The following C1QL1 variants were observed in gnomAD, a reference collection of about 807,000 sequenced individuals.
The protein encoded by C1QL1 is complement C1q like 1, also known as C1q-related factor.
A neutral mutation model predicts 14.2 loss-of-function variants in C1QL1; 15 were observed. That is an observed-to-expected ratio of 1.06 (90% CI 0.71 to 1.62). The LOEUF (loss-of-function observed/expected upper bound fraction) is 1.62. Among genes scored for constraint, C1QL1 ranks in the 40% most tolerant of loss-of-function variants. The pLI is 0.00. For missense variants in C1QL1, 346 were observed against 380.3 expected (o/e 0.91, Z 0.75); for synonymous variants, 172 against 172.4 (o/e 1.00, Z 0.02).
At chr17:44,966,175 A>G (rs2052656394) in intron 1 of C1QL1, among the ~76,000 whole-genome samples, 1 of 152,194 alleles carries the variant, frequency 6.6e-6, no homozygotes, top group Non-Finnish European at 1.5e-5. Context: ...GAAACCAGAG[A>G]AAAGGTGTTG....
intron 1 of C1QL1, among the ~76,000 whole-genome samples, chr17:44,964,848 C>CTTTTCA (rs1555586154): frequency 1.3e-5 from 2 of 149,664 alleles, no homozygotes; most frequent in Non-Finnish European, 3.0e-5. Flanking sequence ...CTTTTCTTTT[C>CTTTTCA]TTTTTTTTTT....
In C1QL1 at chr17:44,967,626, C is replaced by G. The variant is rs1192926815; in HGVS notation, c.423G>C (p.Glu141Asp). Residue 141 changes from glutamate (E) to aspartate (D), a missense_variant, in exon 1 of 2, where the codon GAG becomes GAC. Glu to Asp is a conservative substitution (Grantham distance 45). Coordinates refer to ENST00000253407, the MANE Select transcript of C1QL1 (RefSeq NM_006688.5). The surrounding 1 kb of genome is among the most constrained non-coding windows in gnomAD (Gnocchi z 7.0). ...CGTCAAACTTGAGTACCTCGTAACC[C>G]TCGTGGGGGTTCTTGAGGCCGGCGT... ...AFYAGLKNPH[E>D]GYEVLKFDDV... The G allele has an allele frequency of 6.2e-7, 1 of 1,613,850 alleles. No individual in the cohort carries two copies. The highest frequency in any genetic ancestry group is 1.3e-5 in the African/African-American group (1 of 74,932).
intron 1 of C1QL1, among the ~76,000 whole-genome samples, chr17:44,964,854 T>TTTTC (rs1392164615): frequency 2.0e-5 from 3 of 152,130 alleles, no homozygotes; most frequent in Non-Finnish European, 4.4e-5. Flanking sequence ...TTTTCTTTTT[T>TTTTC]TTTTGAGACA....
At chr17:44,960,395 G>A in intron 1 of C1QL1, 28 bp from the exon 2 acceptor site, 1 of 1,567,994 alleles carries the variant, frequency 6.4e-7, no homozygotes, top group Non-Finnish European at 8.8e-7. Flanking sequence ...GGGAGGGAGG[G>A]CGAGAGGAGA....
In C1QL1 at chr17:44,967,929, G is replaced by T. The variant is rs780431136; in HGVS notation, c.120C>A (p.Pro40=). Reference sequence around the variant, plus strand: ...CGCCGTCGGTCCGCGCGCCGGCGCCGGGGCCCCGCGCGGGGTAGGGGTCGC... The same window carrying T: ...CGCCGTCGGTCCGCGCGCCGGCGCCTGGGCCCCGCGCGGGGTAGGGGTCGC... The part of the protein sequence containing the change: ...MVCDPYPARG[P]GAGARTDGGD... The change falls in exon 1 of 2, where the codon CCC becomes CCA. Residue 40 remains proline, a synonymous_variant. Coordinates refer to ENST00000253407, the MANE Select transcript of C1QL1 (RefSeq NM_006688.5). This position sits in a 1 kb window ranked among gnomAD's most constrained non-coding sequence, Gnocchi z 7.0. The T allele has an allele frequency of 2.4e-6, 3 of 1,275,890 alleles. No individual in the cohort carries two copies. Among genetic ancestry groups the T allele is most frequent in the African/African-American group, 3.1e-5 (2 of 64,616 alleles). The allele number at this position is 1,275,890 out of a possible 1,614,324, so 79.0% of individuals were successfully genotyped here.
At position 44,968,020 on chromosome 17, in the gene C1QL1, G is replaced by C. The variant is rs1379042057; in HGVS notation, c.29C>G (p.Pro10Arg). The change falls in exon 1 of 2, where the codon CCC (proline) becomes CGC (arginine). Residue 10 changes from proline (P) to arginine (R), a missense_variant. Transcript: ENST00000253407. MLLVLVVLI[P>R]VLVSSGGPEG... ...CGGGCCGCCCGAGCTCACCAGCACG[G>C]GGATGAGCACCACCAGCACCAGCAG... 5 of 1,381,956 alleles carry C rather than the reference G, an allele frequency of 3.6e-6. No homozygotes were observed. Among genetic ancestry groups the C allele is most frequent in the Non-Finnish European group, 4.7e-6 (5 of 1,064,704 alleles). 85.6% of individuals were successfully genotyped at this position (1,381,956 alleles called of 1,614,324 possible). A position where few individuals can be genotyped will look rare whatever the true frequency, so the allele number is the denominator to read the frequency against.
At position 44,967,881 on chromosome 17, in the gene C1QL1, G is replaced by A; in HGVS notation, c.168C>T (p.Ser56=). The change falls in exon 1 of 2, where the codon AGC becomes AGT. Residue 56 remains serine, a synonymous_variant. Transcript: ENST00000253407. The surrounding 1 kb of genome is among the most constrained non-coding windows in gnomAD (Gnocchi z 7.0). ...TDGGDALSEQ[S]GAPPPSTLVQ... ...CCAGCGTGGAAGGCGGGGGCGCGCC[G>A]CTCTGCTCGCTCAGGGCGTCGCCGC... The A allele has an allele frequency of 7.9e-7, 1 of 1,272,696 alleles. No individual in the cohort carries two copies. Among genetic ancestry groups the A allele is most frequent in the South Asian group, 3.0e-5 (1 of 33,392 alleles). The allele number at this position is 1,272,696 out of a possible 1,614,324, so 78.8% of individuals were successfully genotyped here. A position where few individuals can be genotyped will look rare whatever the true frequency, so the allele number is the denominator to read the frequency against.
At chr17:44,965,642 C>G (rs3024277) in intron 1 of C1QL1, among the ~76,000 whole-genome samples, 8,118 of 152,282 alleles carry the variant, frequency 0.053, 275 homozygotes, top group Middle Eastern at 0.16. Context: ...GTTTTACCTC[C>G]CAGTGACTGA....
At chr17:44,964,966 G>T (rs1004266846) in intron 1 of C1QL1, among the ~76,000 whole-genome samples, 1 of 150,856 alleles carries the variant, frequency 6.6e-6, no homozygotes, top group African/African-American at 2.4e-5. Context: ...TCAGCCTCCT[G>T]ACTAACTGGG....
At chr17:44,966,610 C>A (rs1461612608) in intron 1 of C1QL1, among the ~76,000 whole-genome samples, 1 of 152,152 alleles carries the variant, frequency 6.6e-6, no homozygotes, top group Non-Finnish European at 1.5e-5. Context: ...ATGCGAGTCC[C>A]GGTACCAGAG....
chr17:44,965,266 C>A (rs2052651918), intron 1 of C1QL1, among the ~76,000 whole-genome samples: 1 of 152,198 alleles, frequency 6.6e-6, no homozygotes, highest in South Asian at 2.1e-4. Flanking sequence ...CTTGCCTCGG[C>A]CTCCCAAAGT....
rs530689780 is a variant in C1QL1, at chr17:44,960,513, C to A, written c.598-146G>T. The A allele has an allele frequency of 6.4e-6, 4 of 625,616 alleles. No individual in the cohort carries two copies. The South Asian group carries it at 7.5e-5, about 12-fold the overall frequency. The allele number at this position is 625,616 out of a possible 1,614,324, so 38.8% of individuals were successfully genotyped here. A position where few individuals can be genotyped will look rare whatever the true frequency, so the allele number is the denominator to read the frequency against. ...CATCCCTGCCACGCTCCCCCTCCCC[C>A]GCCCCCTTCCAATCATACAGGACTT... On this transcript the variant is annotated intron_variant, in intron 1 of 1. Transcript: ENST00000253407.
intron 1 of C1QL1, among the ~76,000 whole-genome samples, chr17:44,961,886 C>T (rs2052628968): frequency 7.4e-6 from 1 of 135,716 alleles, no homozygotes; most frequent in Non-Finnish European, 1.6e-5. Context: ...GAGCGAGACT[C>T]CGTCTCAAAA....
Position 44,967,761 on chromosome 17 carries a change from C to T in C1QL1, c.288G>A (p.Pro96=), listed in dbSNP as rs749324025. 21 of 1,567,034 alleles carry T rather than the reference C, an allele frequency of 1.3e-5. No homozygotes were observed. In the African/African-American group the frequency reaches 1.4e-4, roughly 10 times the overall value. ...GCTTGCCTGGCTCACCCTTCTCCCC[C>T]GGCGGCCCCACAGGGCCGGGAGGAC... ...DPGPPGPVGP[P]GEKGEPGKPG... The change falls in exon 1 of 2, where the codon CCG becomes CCA. Residue 96 remains proline, a synonymous_variant. Transcript: ENST00000253407. This position sits in a 1 kb window ranked among gnomAD's most constrained non-coding sequence, Gnocchi z 7.0.
chr17:44,967,407 G>A lies in C1QL1; in HGVS notation c.597+45C>T. 1 of 1,586,254 alleles carries A rather than the reference G, an allele frequency of 6.3e-7. No homozygotes were observed. Reference sequence around the variant, plus strand: ...GGTACCCATTTGCCCCGGGCTCCCTGGGTGCCCTGGGCCCAGCCCAGCCCC... The same window carrying A: ...GGTACCCATTTGCCCCGGGCTCCCTAGGTGCCCTGGGCCCAGCCCAGCCCC... On this transcript the variant is annotated intron_variant, in intron 1 of 1. Coordinates refer to ENST00000253407, the MANE Select transcript of C1QL1 (RefSeq NM_006688.5). This position sits in a 1 kb window ranked among gnomAD's most constrained non-coding sequence, Gnocchi z 7.0.
chr17:44,961,910 A>AAAGAG (rs1555585742), intron 1 of C1QL1, among the ~76,000 whole-genome samples: 14 of 129,688 alleles, frequency 1.1e-4, no homozygotes, highest in South Asian at 2.3e-4. Flanking sequence ...AAAAAAAAAA[A>AAAGAG]AGAGAGAGAG....
Position 44,967,624 on chromosome 17 carries a change from C to T in C1QL1, c.425G>A (p.Gly142Asp). 3 of 1,613,986 alleles carry T rather than the reference C, an allele frequency of 1.9e-6. No individual in the cohort carries two copies. The highest frequency in any genetic ancestry group is 2.5e-6 in the Non-Finnish European group (3 of 1,179,914). Residue 142 changes from glycine (G) to aspartate (D), a missense_variant, in exon 1 of 2, where the codon GGT becomes GAT. Coordinates refer to ENST00000253407, the MANE Select transcript of C1QL1 (RefSeq NM_006688.5). The surrounding 1 kb of genome is among the most constrained non-coding windows in gnomAD (Gnocchi z 7.0). ...GTCGTCAAACTTGAGTACCTCGTAA[C>T]CCTCGTGGGGGTTCTTGAGGCCGGC... is the stretch of plus-strand genomic sequence containing the variant. ...FYAGLKNPHE[G>D]YEVLKFDDVV...
chr17:44,967,901 C>T lies in C1QL1; in HGVS notation c.148G>A (p.Asp50Asn). Residue 50 changes from aspartate to asparagine, a missense_variant, in exon 1 of 2, where the codon GAC becomes AAC. Transcript: ENST00000253407. The surrounding 1 kb of genome is among the most constrained non-coding windows in gnomAD (Gnocchi z 7.0). ...PGAGARTDGG[D>N]ALSEQSGAPP... is the part of the protein sequence containing the mutation. ...GCGCCGCTCTGCTCGCTCAGGGCGTCGCCGCCGTCGGTCCGCGCGCCGGCG... is the reference window on the plus strand; with the variant it reads ...GCGCCGCTCTGCTCGCTCAGGGCGTTGCCGCCGTCGGTCCGCGCGCCGGCG... 2 of 1,245,450 alleles carry T rather than the reference C, an allele frequency of 1.6e-6. No homozygotes were observed. Among genetic ancestry groups the T allele is most frequent in the Non-Finnish European group, 2.0e-6 (2 of 1,000,096 alleles). The allele number at this position is 1,245,450 out of a possible 1,614,324, so 77.1% of individuals were successfully genotyped here. A position where few individuals can be genotyped will look rare whatever the true frequency, so the allele number is the denominator to read the frequency against.
rs768749236 is a variant in C1QL1, at chr17:44,967,670, C to T, written c.379G>A (p.Val127Met). 1 of 1,613,180 alleles carries T rather than the reference C, an allele frequency of 6.2e-7. No homozygotes were observed. The highest frequency in any genetic ancestry group is 1.3e-5 in the African/African-American group (1 of 74,878). The change falls in exon 1 of 2, where the codon GTG becomes ATG. Residue 127 changes from valine (V) to methionine (M), a missense_variant. Coordinates refer to ENST00000253407, the MANE Select transcript of C1QL1 (RefSeq NM_006688.5). This position sits in a 1 kb window ranked among gnomAD's most constrained non-coding sequence, Gnocchi z 7.0. The stretch of plus-strand genomic sequence containing the variant: ...CCGGCGTAGAAGGCCACGCGCGGCA[C>T]CGTGGTGTAGGTGGCAGTGCTGATG... ...GAISTATYTT[V>M]PRVAFYAGLK... is the part of the protein sequence containing the mutation.
Sources: allele counts gnomAD v4.1 joint callset (sites outside exome capture counted in the v4.1 genomes callset), GRCh38; gene constraint gnomAD v4.1.1; non-coding constraint Gnocchi (gnomAD v3.1); transcripts MANE v1.5; gene names NCBI Gene and HGNC (gene_info 2026-07-23, HGNC 2026-07-21).